TCERG1L: variants seen among roughly 807,000 people sequenced by gnomAD.
The protein encoded by TCERG1L is transcription elongation regulator 1-like protein.
A neutral mutation model predicts 56.3 loss-of-function variants in TCERG1L; 37 were observed. The observed-to-expected ratio is 0.66, with a 90% CI of 0.51 to 0.87. TCERG1L has a LOEUF of 0.87. Ranked by LOEUF, TCERG1L falls within the 40% of genes least tolerant of loss-of-function variation. The probability of loss-of-function intolerance (pLI) is 0.00; values close to 1 mark genes in which losing one functional copy is unlikely to be tolerated. For synonymous variants in TCERG1L, 324 were observed against 326.3 expected, an observed-to-expected ratio of 0.99 and a Z score of 0.08; for missense variants, 799 against 774.2, an observed-to-expected ratio of 1.03 and a Z score of -0.38.
At chr10:131,131,618 G>A (rs1036858650) in intron 8 of TCERG1L, among the ~76,000 whole-genome samples, 1 of 152,162 alleles carries the variant, frequency 6.6e-6, no homozygotes, top group African/African-American at 2.4e-5. Context: ...AGTTTCATGT[G>A]GACCTGAATC....
intron 4 of TCERG1L, among the ~76,000 whole-genome samples, chr10:131,242,503 C>T (rs555573132): frequency 1.3e-5 from 2 of 152,268 alleles, no homozygotes; most frequent in Admixed American, 6.5e-5. Flanking sequence ...CACTCTGATA[C>T]TAAATCACGG....
intron 8 of TCERG1L, among the ~76,000 whole-genome samples, chr10:131,129,993 C>T (rs1233843415): frequency 1.3e-5 from 2 of 151,936 alleles, no homozygotes; most frequent in Non-Finnish European, 2.9e-5. Context: ...CAGGAAACTG[C>T]CCCCATGATC....
At chr10:131,224,085 G>C (rs979853051) in intron 4 of TCERG1L, among the ~76,000 whole-genome samples, 4 of 152,020 alleles carry the variant, frequency 2.6e-5, no homozygotes, top group African/African-American at 7.2e-5. Context: ...AGTCGATTAG[G>C]AATTCTGGAA....
At chr10:131,305,837 CTA>C (rs1404631408) in intron 3 of TCERG1L, among the ~76,000 whole-genome samples, 2 of 150,434 alleles carry the variant, frequency 1.3e-5, no homozygotes, top group African/African-American at 2.5e-5. Context: ...TGTAATATAA[CTA>C]TTATATAATA....
chr10:131,236,495 C>T (rs1484261273), intron 4 of TCERG1L, among the ~76,000 whole-genome samples: 3 of 152,202 alleles, frequency 2.0e-5, no homozygotes, highest in East Asian at 1.9e-4. Flanking sequence ...CTGTGGCTAC[C>T]GCTGCTCACA....
chr10:131,164,789 TA>T (rs1182542255), intron 5 of TCERG1L, among the ~76,000 whole-genome samples: 1 of 152,196 alleles, frequency 6.6e-6, no homozygotes, highest in African/African-American at 2.4e-5. Context: ...GTTGGTACTT[TA>T]GGAGGCAGTG....
chr10:131,181,602 C>T (rs1212395274), intron 4 of TCERG1L, among the ~76,000 whole-genome samples: 1 of 152,244 alleles, frequency 6.6e-6, no homozygotes, highest in Non-Finnish European at 1.5e-5. Flanking sequence ...TGGACAAGAG[C>T]CTGCTGAGCC....
At chr10:131,253,747 C>T (rs1281671150) in intron 4 of TCERG1L, among the ~76,000 whole-genome samples, 1 of 152,140 alleles carries the variant, frequency 6.6e-6, no homozygotes, top group African/African-American at 2.4e-5. Flanking sequence ...GAAGAGGGTC[C>T]TAACCACAGT....
Position 131,129,718 on chromosome 10 carries a change from C to T in TCERG1L, c.1259+4661G>A, listed in dbSNP as rs1242882483. 2.6e-5 allele frequency among the ~76,000 whole-genome samples: 4 copies of T among 152,150 alleles called. No homozygotes were observed. In the East Asian group the frequency reaches 7.7e-4, roughly 29 times the overall value. ...CGTCTCCTGGGACCTTTTGAACTGA[C>T]CTAACCTGTTGTATTAGTTCATTCT... On this transcript the variant is annotated intron_variant, in intron 8 of 11. Transcript: ENST00000368642.
intron 4 of TCERG1L, among the ~76,000 whole-genome samples, chr10:131,239,793 A>G (rs1318617234): frequency 6.6e-6 from 1 of 152,208 alleles, no homozygotes; most frequent in African/African-American, 2.4e-5. Context: ...CCCAGCGTAC[A>G]GACATCTGCT....
In TCERG1L at chr10:131,218,489, C is replaced by CTATTTATT. The variant is rs61109787; in HGVS notation, c.856+41762_856+41769dup. 3.0e-3 allele frequency among the ~76,000 whole-genome samples: 456 copies of CTATTTATT among 151,260 alleles called. 2 individuals are homozygous for CTATTTATT. The highest frequency in any genetic ancestry group is 9.8e-3 in the African/African-American group (404 of 41,078). ...AGATCGCTTCTGCGATCCTTTTTTT[C>CTATTTATT]TATTTATTTATTTATTTATTTGAGA... On this transcript the variant is annotated intron_variant, in intron 4 of 11. Coordinates refer to ENST00000368642, the MANE Select transcript of TCERG1L (RefSeq NM_174937.4).
rs139282793 is a variant in TCERG1L, at chr10:131,131,737, T to A, written c.1259+2642A>T. ...GAGTAGATGCCGGTGTCCAAAACAA[T>A]CATCATCACAGCTTATTTGCTTGTT... On this transcript the variant is annotated intron_variant, in intron 8 of 11. Transcript: ENST00000368642. 5.3e-5 allele frequency among the ~76,000 whole-genome samples: 8 copies of A among 152,316 alleles called. 1 individual carries two copies. The East Asian group carries it at 1.5e-3, about 29-fold the overall frequency.
At chr10:131,102,254 G>A (rs923430579) in intron 10 of TCERG1L, among the ~76,000 whole-genome samples, 2 of 152,184 alleles carry the variant, frequency 1.3e-5, no homozygotes, top group African/African-American at 4.8e-5. Flanking sequence ...TTCAAGTTCT[G>A]TATTCCAAGG....
chr10:131,286,269 T>C (rs537660919), intron 3 of TCERG1L, among the ~76,000 whole-genome samples: 3 of 152,278 alleles, frequency 2.0e-5, no homozygotes, highest in South Asian at 2.1e-4. Flanking sequence ...ACTGTGAATG[T>C]TTGGAAATAG....
chr10:131,221,488 G>A (rs1277016429), intron 4 of TCERG1L, among the ~76,000 whole-genome samples: 2 of 152,218 alleles, frequency 1.3e-5, no homozygotes, highest in Admixed American at 6.5e-5. Context: ...AGAAGGCAGC[G>A]AGGAAAGCGG....
chr10:131,171,874 G>A (rs540599801), intron 4 of TCERG1L, among the ~76,000 whole-genome samples: 11 of 152,102 alleles, frequency 7.2e-5, no homozygotes, highest in Admixed American at 2.0e-4. Flanking sequence ...CCTGGCCCAG[G>A]AATTTATTTT....
In TCERG1L at chr10:131,112,022, C is replaced by G. The variant is rs1311031900; in HGVS notation, c.1395+4777G>C. Among the ~76,000 whole-genome samples, 6 of 142,842 alleles carry G rather than the reference C, an allele frequency of 4.2e-5. 1 individual carries two copies. The highest frequency in any genetic ancestry group is 1.5e-4 in the African/African-American group (6 of 40,548). 93.7% of individuals were successfully genotyped at this position (142,842 alleles called of 152,430 possible). On this transcript the variant is annotated intron_variant, in intron 9 of 11. Coordinates refer to ENST00000368642, the MANE Select transcript of TCERG1L (RefSeq NM_174937.4). ...CTCCCTTCCTGCCATCTTCCTCTCT[C>G]CTGTTTCTTTCTGCCTCCCCTGGTC...
At chr10:131,227,642 T>A (rs1052036751) in intron 4 of TCERG1L, among the ~76,000 whole-genome samples, 9 of 152,140 alleles carry the variant, frequency 5.9e-5, no homozygotes, top group African/African-American at 2.2e-4. Context: ...CAGCTCAGCC[T>A]CACCTCCAGG....
At chr10:131,218,535 C>T (rs898301477) in intron 4 of TCERG1L, among the ~76,000 whole-genome samples, 1 of 151,974 alleles carries the variant, frequency 6.6e-6, no homozygotes, top group Non-Finnish European at 1.5e-5. Context: ...TTCTTGTTGC[C>T]CAGGCTGGAG....
Sources: allele counts gnomAD v4.1 joint callset (sites outside exome capture counted in the v4.1 genomes callset), GRCh38; gene constraint gnomAD v4.1.1; transcripts MANE v1.5; gene names NCBI Gene and HGNC (gene_info 2026-07-23, HGNC 2026-07-21).